Variants in PDE1C observed in about 807,000 individuals in gnomAD.
The protein encoded by PDE1C is dual specificity calcium/calmodulin-dependent 3',5'-cyclic nucleotide phosphodiesterase 1C.
A neutral mutation model predicts 93.1 loss-of-function variants in PDE1C; 62 were observed. That is an observed-to-expected ratio of 0.67 (90% confidence interval 0.54 to 0.82). The LOEUF is 0.82. PDE1C is among the 40% of genes least tolerant of loss of function. PDE1C has a pLI of 0.00. For synonymous variants in PDE1C, 325 were observed against 310.1 expected (o/e 1.05, Z -0.50); for missense variants, 742 against 884.6 (o/e 0.84, Z 2.04).
chr7:32,172,038 A>C (rs530838902), intron 2 of PDE1C, among the ~76,000 whole-genome samples: 8 of 151,716 alleles, frequency 5.3e-5, no homozygotes, highest in Non-Finnish European at 1.0e-4. Context: ...AAAATTCATA[A>C]AAATAAAAGT....
At chr7:32,168,737 T>C (rs1371589854) in intron 3 of PDE1C, among the ~76,000 whole-genome samples, 2 of 152,200 alleles carry the variant, frequency 1.3e-5, no homozygotes, top group Non-Finnish European at 2.9e-5. Context: ...TCACACTGTA[T>C]AAAGAAATCC....
intron 1 of PDE1C, among the ~76,000 whole-genome samples, chr7:32,426,401 G>C (rs1785535088): frequency 6.6e-6 from 1 of 151,660 alleles, no homozygotes; most frequent in South Asian, 2.1e-4. Flanking sequence ...AGCCCCCTAA[G>C]TAGCTGGGAC....
chr7:31,781,436 C>G (rs921384134), intron 16 of PDE1C, among the ~76,000 whole-genome samples: 13 of 152,112 alleles, frequency 8.5e-5, no homozygotes, highest in African/African-American at 2.9e-4. Flanking sequence ...TTCAATTTCT[C>G]TGTTTTAGCA....
intron 2 of PDE1C, among the ~76,000 whole-genome samples, chr7:32,189,918 T>C (rs1255093418): frequency 6.6e-6 from 1 of 152,186 alleles, no homozygotes; most frequent in Non-Finnish European, 1.5e-5. Context: ...CCTTTCAAGG[T>C]TAACTTTTGT....
At chr7:31,906,845 C>T (rs1011404719) in intron 2 of PDE1C, among the ~76,000 whole-genome samples, 19 of 152,162 alleles carry the variant, frequency 1.2e-4, no homozygotes, top group African/African-American at 4.6e-4. Flanking sequence ...GTATCTTCCT[C>T]ATAGATTTGA....
the PDE1C span, chr7:31,644,007 C>A: frequency 6.8e-7 from 1 of 1,468,170 alleles, no homozygotes; most frequent in Non-Finnish European, 9.1e-7. Context: ...TGATAAACAC[C>A]TCAGGGATAA....
At chr7:32,311,704 A>G (rs1025054145) in intron 1 of PDE1C, among the ~76,000 whole-genome samples, 2 of 151,882 alleles carry the variant, frequency 1.3e-5, no homozygotes, top group Non-Finnish European at 2.9e-5. Context: ...AAATTCAACA[A>G]CCCTTCATGC....
At chr7:32,086,246 C>A (rs1797064911) in intron 3 of PDE1C, among the ~76,000 whole-genome samples, 2 of 148,668 alleles carry the variant, frequency 1.3e-5, no homozygotes, top group Non-Finnish European at 3.0e-5. Context: ...AGTGAACTCC[C>A]ATTCACAATT....
At chr7:31,852,161 CCTT>C (rs1345639543) in intron 7 of PDE1C, among the ~76,000 whole-genome samples, 1 of 152,104 alleles carries the variant, frequency 6.6e-6, no homozygotes, top group African/African-American at 2.4e-5. Context: ...AGAATTATTG[CCTT>C]CTTTAAAAAT....
intron 1 of PDE1C, among the ~76,000 whole-genome samples, chr7:32,283,082 G>C (rs1288251381): frequency 6.6e-6 from 1 of 152,166 alleles, no homozygotes; most frequent in Non-Finnish European, 1.5e-5. Flanking sequence ...AGGCAAAAAG[G>C]ATTTATAAAG....
intron 1 of PDE1C, among the ~76,000 whole-genome samples, chr7:32,377,553 T>A (rs192995423): frequency 0.01 from 1,534 of 152,308 alleles, 9 homozygotes; most frequent in Non-Finnish European, 0.018. Context: ...GCTTCCATCC[T>A]CAAATGTTCC....
At chr7:31,885,891 C>A (rs373865042) in intron 2 of PDE1C, among the ~76,000 whole-genome samples, 3 of 152,250 alleles carry the variant, frequency 2.0e-5, no homozygotes, top group Admixed American at 2.0e-4. Flanking sequence ...GAGCATTAGA[C>A]CCTACTAGAA....
the PDE1C span, among the ~76,000 whole-genome samples, chr7:31,655,212 G>A: frequency 6.6e-6 from 1 of 152,212 alleles, no homozygotes; most frequent in South Asian, 2.1e-4. Flanking sequence ...TCATCTTCCT[G>A]ATCCTCTCTG....
At chr7:32,230,200 C>A (rs915733876) in intron 1 of PDE1C, among the ~76,000 whole-genome samples, 7 of 152,190 alleles carry the variant, frequency 4.6e-5, no homozygotes, top group African/African-American at 1.7e-4. Flanking sequence ...GCCTTCCTGG[C>A]TCCCATGGAG....
chr7:31,719,320 T>C, the PDE1C span, among the ~76,000 whole-genome samples: 1 of 152,172 alleles, frequency 6.6e-6, no homozygotes. Flanking sequence ...TCCAGGAAAA[T>C]CTGCCCCTAG....
intron 3 of PDE1C, among the ~76,000 whole-genome samples, chr7:32,084,347 T>A (rs941836252): frequency 1.8e-4 from 27 of 150,718 alleles, no homozygotes; most frequent in African/African-American, 5.9e-4. Context: ...CCCAGATTCA[T>A]AAAGCAAGTC....
chr7:32,028,896 A>T (rs1157042703), intron 2 of PDE1C, among the ~76,000 whole-genome samples: 3 of 151,988 alleles, frequency 2.0e-5, no homozygotes, highest in Non-Finnish European at 2.9e-5. Flanking sequence ...TGCTTCTATG[A>T]GCTTCGTTGT....
intron 17 of PDE1C, among the ~76,000 whole-genome samples, chr7:31,761,700 G>A (rs1794841793): frequency 6.6e-6 from 1 of 152,172 alleles, no homozygotes; most frequent in African/African-American, 2.4e-5. Context: ...ATCTATGAGG[G>A]TAGGACTAAG....
At chr7:31,845,686 G>T (rs1008344150) in intron 9 of PDE1C, among the ~76,000 whole-genome samples, 2 of 151,928 alleles carry the variant, frequency 1.3e-5, no homozygotes, top group Non-Finnish European at 2.9e-5. Context: ...TTTTAAAAAG[G>T]TTTGAAAAAA....
Sources: allele counts gnomAD v4.1 joint callset (sites outside exome capture counted in the v4.1 genomes callset), GRCh38; gene constraint gnomAD v4.1.1; transcripts MANE v1.5; gene names NCBI Gene and HGNC (gene_info 2026-07-23, HGNC 2026-07-21).